The following YLPM1 variants were observed in gnomAD, a reference collection of about 807,000 sequenced individuals.
The protein encoded by YLPM1 is YLP motif-containing protein 1.
A neutral mutation model predicts 230.0 loss-of-function variants in YLPM1; 99 were observed. The observed-to-expected ratio is 0.43, with a 90% confidence interval of 0.37 to 0.51. The LOEUF (loss-of-function observed/expected upper bound fraction) is 0.51, where lower values mean the gene tolerates loss of function less well. Among genes scored for constraint, YLPM1 ranks in the 20% least tolerant of loss-of-function variants. The pLI, the probability that YLPM1 is intolerant of heterozygous loss-of-function variation, is 0.00. For missense variants in YLPM1, 2,592 were observed against 2,707.7 expected (o/e 0.96, Z 0.95); for synonymous variants, 984 against 942.5 (o/e 1.04, Z -0.81).
chr14:74,763,815 C>A lies in YLPM1; in HGVS notation c.326C>A (p.Pro109Gln). 2.6e-6 allele frequency: 4 copies of A among 1,512,188 alleles called. No homozygotes were observed. The highest frequency in any genetic ancestry group is 1.3e-5 in the South Asian group (1 of 75,474). 93.7% of individuals were successfully genotyped at this position (1,512,188 alleles called of 1,614,324 possible). A position where few individuals can be genotyped will look rare whatever the true frequency, so the allele number is the denominator to read the frequency against. The change falls in exon 1 of 21, where the codon CCG becomes CAG. Residue 109 changes from proline to glutamine, a missense_variant. Transcript: ENST00000325680. The part of the protein sequence containing the change: ...DWQPPPPPMP[P>Q]PPGPALSYQK... The stretch of plus-strand genomic sequence containing the variant: ...CAGCCGCCACCGCCACCGATGCCCC[C>A]GCCACCCGGGCCGGCCCTCAGCTAT...
chr14:74,816,698 A>G lies in YLPM1; in HGVS notation c.5685+8A>G, dbSNP rs1191087863. On this transcript the variant is annotated splice_region_variant and intron_variant, in intron 13 of 20. Coordinates refer to ENST00000325680, the MANE Select transcript of YLPM1 (RefSeq NM_019589.3). ...AAGAAAGTGAAAAAGAAGGTATGGT[A>G]TTCATCTCAGATCTCGTTCTGATTC... 1.2e-6 allele frequency: 2 copies of G among 1,607,964 alleles called. No homozygotes were observed. The highest frequency in any genetic ancestry group is 1.3e-5 in the African/African-American group (1 of 74,600).
At chr14:74,812,444 C>A (rs1273620063) in intron 10 of YLPM1, among the ~76,000 whole-genome samples, 184 bp from the exon 11 acceptor site, 1 of 152,138 alleles carries the variant, frequency 6.6e-6, no homozygotes, top group Non-Finnish European at 1.5e-5. Flanking sequence ...ATACTTAAAT[C>A]TTCTCATTTT....
rs1481046829 is a variant in YLPM1 at position 74,781,878 on chromosome 14, C to T, written c.1835C>T (p.Ser612Leu). 1.2e-6 allele frequency: 2 copies of T among 1,613,748 alleles called. No homozygotes were observed. The highest frequency in any genetic ancestry group is 1.7e-6 in the Non-Finnish European group (2 of 1,179,806). ...PPVLPPPSLS[S>L]TAPPPVMPLP... ...GTTCTTCCCCCACCATCTCTCTCTTCAACAGCACCTCCACCTGTCATGCCC... is the reference window on the plus strand; with the variant it reads ...GTTCTTCCCCCACCATCTCTCTCTTTAACAGCACCTCCACCTGTCATGCCC... The change falls in exon 4 of 21, where the codon TCA becomes TTA. Residue 612 changes from serine (S) to leucine (L), a missense_variant. This residue lies in a region of YLPM1 where 1,862 missense variants were observed against 1,819.8 expected (regional missense o/e 1.02). Transcript: ENST00000325680.
At chr14:74,780,744 G>A (rs1310230220) in intron 3 of YLPM1, among the ~76,000 whole-genome samples, 160 bp downstream of exon 3, 2 of 152,184 alleles carry the variant, frequency 1.3e-5, no homozygotes, top group Non-Finnish European at 2.9e-5. Flanking sequence ...ATTACCTGGG[G>A]GACTGGGGAG....
intron 4 of YLPM1, 109 bp from the exon 5 acceptor site, chr14:74,797,471 T>G: frequency 1.1e-6 from 1 of 911,730 alleles, no homozygotes; most frequent in Non-Finnish European, 1.6e-6. Flanking sequence ...CTGAAAAGAG[T>G]CATTGTTGTA....
chr14:74,812,780 A>C lies in YLPM1; in HGVS notation c.5500A>C (p.Arg1834=). The C allele has an allele frequency of 6.2e-7, 1 of 1,613,282 alleles. No homozygotes were observed. Among genetic ancestry groups the C allele is most frequent in the Non-Finnish European group, 8.5e-7 (1 of 1,179,556 alleles). ...KPPGRESRPE[R]IVVIMRGLPG... ...ACCGGGCCGGGAGAGCAGACCTGAG[A>C]GAGTGAGTCCTATGAAGTTGATTCG... Residue 1834 remains arginine, a splice_region_variant and synonymous_variant, in exon 11 of 21, where the codon AGA becomes CGA. Coordinates refer to ENST00000325680, the MANE Select transcript of YLPM1 (RefSeq NM_019589.3).
chr14:74,783,829 A>T (rs892532559), intron 4 of YLPM1, among the ~76,000 whole-genome samples: 28 of 151,770 alleles, frequency 1.8e-4, no homozygotes, highest in African/African-American at 6.8e-4. Context: ...TTATTATCTC[A>T]TGGAAGTCTT....
At chr14:74,810,690 A>C (rs1014053673) in intron 9 of YLPM1, among the ~76,000 whole-genome samples, 7 of 151,086 alleles carry the variant, frequency 4.6e-5, no homozygotes, top group Non-Finnish European at 1.0e-4. Flanking sequence ...GTAGGCAAGC[A>C]ATTTATTTTT....
At chr14:74,808,531 G>T (rs912503438) in intron 6 of YLPM1, among the ~76,000 whole-genome samples, 1 of 152,032 alleles carries the variant, frequency 6.6e-6, no homozygotes, top group South Asian at 2.1e-4. Context: ...GGCCGGGTGC[G>T]GTGGCTCATG....
At chr14:74,804,953 A>G (rs1260527816) in intron 6 of YLPM1, among the ~76,000 whole-genome samples, 1 of 150,776 alleles carries the variant, frequency 6.6e-6, no homozygotes, top group African/African-American at 2.4e-5. Flanking sequence ...TTTCACTGTT[A>G]TTCTTAATAT....
chr14:74,784,194 C>T (rs1048824545), intron 4 of YLPM1, among the ~76,000 whole-genome samples: 4 of 152,114 alleles, frequency 2.6e-5, no homozygotes, highest in African/African-American at 9.7e-5. Context: ...CCTTGATTTC[C>T]GTCATGTTAA....
Position 74,781,535 on chromosome 14 carries a change from G to A in YLPM1, c.1492G>A (p.Glu498Lys). 6 of 1,613,974 alleles carry A rather than the reference G, an allele frequency of 3.7e-6. No individual in the cohort carries two copies. The highest frequency in any genetic ancestry group is 5.1e-6 in the Non-Finnish European group (6 of 1,179,896). The change falls in exon 4 of 21, where the codon GAG becomes AAG. Residue 498 changes from glutamate (E) to lysine (K), a missense_variant. Glu to Lys is a moderately conservative substitution (Grantham distance 56, BLOSUM62 1). Coordinates refer to ENST00000325680, the MANE Select transcript of YLPM1 (RefSeq NM_019589.3). ...HMKATQSYLQEKVNSFQNMKN... is the reference protein window; with the variant it reads ...HMKATQSYLQKKVNSFQNMKN... ...GAAAGCCACTCAGAGCTATCTCCAG[G>A]AGAAAGTCAATTCATTTCAGAACAT...
chr14:74,833,595 G>T (rs543975589), intron 19 of YLPM1, among the ~76,000 whole-genome samples: 1 of 152,262 alleles, frequency 6.6e-6, no homozygotes, highest in African/African-American at 2.4e-5. Flanking sequence ...GCATTGATGA[G>T]CAGAATGCCC....
At chr14:74,825,605 T>C (rs2091555356) in intron 18 of YLPM1, among the ~76,000 whole-genome samples, 1 of 152,168 alleles carries the variant, frequency 6.6e-6, no homozygotes, top group African/African-American at 2.4e-5. Flanking sequence ...TTAGTTCTGC[T>C]TATTTCGACG....
intron 4 of YLPM1, among the ~76,000 whole-genome samples, chr14:74,785,253 A>T (rs1451111546): frequency 6.6e-6 from 1 of 152,110 alleles, no homozygotes; most frequent in Non-Finnish European, 1.5e-5. Flanking sequence ...GTCTGCTGAA[A>T]TCTTGGTCAA....
At chr14:74,828,643 G>A (rs1250409215) in intron 18 of YLPM1, among the ~76,000 whole-genome samples, 1 of 151,980 alleles carries the variant, frequency 6.6e-6, no homozygotes, top group Non-Finnish European at 1.5e-5. Context: ...AAAGAAAGTG[G>A]TGATCTCATA....
intron 15 of YLPM1, among the ~76,000 whole-genome samples, 175 bp from the exon 16 acceptor site, chr14:74,818,056 A>G (rs910885242): frequency 9.7e-6 from 1 of 103,618 alleles, no homozygotes; most frequent in Admixed American, 9.4e-5. Context: ...ATTCTGTCTC[A>G]AAAAAAAAAA....
Position 74,764,161 on chromosome 14 carries a change from C to T in YLPM1, c.672C>T (p.Tyr224=). 1 of 1,613,614 alleles carries T rather than the reference C, an allele frequency of 6.2e-7. No individual in the cohort carries two copies. Among genetic ancestry groups the T allele is most frequent in the Non-Finnish European group, 8.5e-7 (1 of 1,179,816 alleles). The part of the protein sequence containing the change: ...SQSYLSHSQS[Y]LPSSQASPSR... ...CCTATTTGAGCCATTCCCAGTCCTA[C>T]TTGCCCTCTTCTCAGGCATCTCCTT... is the stretch of plus-strand genomic sequence containing the variant. The change falls in exon 1 of 21, where the codon TAC becomes TAT. Residue 224 remains tyrosine (Y), a synonymous_variant. Coordinates refer to ENST00000325680, the MANE Select transcript of YLPM1 (RefSeq NM_019589.3).
In YLPM1 at chr14:74,781,557, A is replaced by G. The variant is rs1459720650; in HGVS notation, c.1514A>G (p.Asn505Ser). The G allele has an allele frequency of 1.9e-6, 3 of 1,613,884 alleles. No homozygotes were observed. The highest frequency in any genetic ancestry group is 1.3e-5 in the African/African-American group (1 of 74,914). Residue 505 changes from asparagine to serine, a missense_variant, in exon 4 of 21, where the codon AAC becomes AGC. By Grantham distance (46) the Asn-to-Ser change is conservative. Coordinates refer to ENST00000325680, the MANE Select transcript of YLPM1 (RefSeq NM_019589.3). Reference protein sequence around the residue: ...YLQEKVNSFQNMKNQYMGNMS... With the variant: ...YLQEKVNSFQSMKNQYMGNMS... Reference sequence around the variant, plus strand: ...CAGGAGAAAGTCAATTCATTTCAGAACATGAAGAACCAGTATATGGGGAAC... The same window carrying G: ...CAGGAGAAAGTCAATTCATTTCAGAGCATGAAGAACCAGTATATGGGGAAC...
Sources: allele counts gnomAD v4.1 joint callset (sites outside exome capture counted in the v4.1 genomes callset), GRCh38; gene constraint gnomAD v4.1.1; regional missense constraint gnomAD v4.1.1; transcripts MANE v1.5; gene names NCBI Gene and HGNC (gene_info 2026-07-23, HGNC 2026-07-21).